Variants in EDNRB observed in about 807,000 individuals in gnomAD.
EDNRB encodes the protein endothelin receptor type B.
In EDNRB, 18 loss-of-function variants were observed where a neutral mutation model predicts 46.4. The observed-to-expected ratio is 0.39, with a 90% CI of 0.27 to 0.57. EDNRB has a LOEUF of 0.57. Among genes scored for constraint, EDNRB ranks in the 20% least tolerant of loss-of-function variants. EDNRB has a pLI of 0.61. For synonymous variants in EDNRB, 213 were observed against 204.9 expected, an observed-to-expected ratio of 1.04 and a Z score of -0.34; for missense variants, 434 against 537.5, an observed-to-expected ratio of 0.81 and a Z score of 1.90.
chr13:77,913,326 C>T (rs1036571368), intron 1 of EDNRB, among the ~76,000 whole-genome samples: 2 of 152,086 alleles, frequency 1.3e-5, no homozygotes, highest in Non-Finnish European at 2.9e-5. Context: ...ACTATGAATG[C>T]AGCCTCTTTG....
chr13:77,920,468 C>T (rs1247436756), upstream of EDNRB, among the ~76,000 whole-genome samples: 2 of 152,198 alleles, frequency 1.3e-5, no homozygotes, highest in African/African-American at 2.4e-5. Context: ...GCACCCATTC[C>T]ATGTAGCAGT....
intron 1 of EDNRB, among the ~76,000 whole-genome samples, chr13:77,937,193 CT>C (rs1469918079): frequency 2.0e-5 from 3 of 152,148 alleles, no homozygotes; most frequent in Admixed American, 1.3e-4. Context: ...TTTCTTTAAG[CT>C]TGTCAGAATT....
At chr13:77,968,324 A>G (rs1881636872) in intron 1 of EDNRB, among the ~76,000 whole-genome samples, 1 of 152,190 alleles carries the variant, frequency 6.6e-6, no homozygotes, top group Admixed American at 6.6e-5. Context: ...GTAAATAATA[A>G]CAACAGTTCA....
chr13:77,928,441 T>A (rs1880299582), intron 1 of EDNRB, among the ~76,000 whole-genome samples: 1 of 152,198 alleles, frequency 6.6e-6, no homozygotes, highest in African/African-American at 2.4e-5. Flanking sequence ...TTGTACATAT[T>A]TTTTCATGAT....
At chr13:77,938,234 G>T (rs1259673771) in intron 1 of EDNRB, among the ~76,000 whole-genome samples, 1 of 152,030 alleles carries the variant, frequency 6.6e-6, no homozygotes, top group African/African-American at 2.4e-5. Flanking sequence ...AGGGTCCGGG[G>T]GTTCTTACCC....
intron 1 of EDNRB, among the ~76,000 whole-genome samples, chr13:77,932,048 TA>T (rs5804946): frequency 0.54 from 77,941 of 143,908 alleles, 21,290 homozygotes; most frequent in Non-Finnish European, 0.62. Flanking sequence ...GGTGAATTAT[TA>T]AAAAAAAAAA....
chr13:77,960,340 C>T lies in EDNRB; in HGVS notation c.-52+15007G>A, dbSNP rs568109254. ...CCCATCAGACTAACAGCAGATGTCTCGGCAGAAACTCTATAAGCCAGAAGA... is the reference window on the plus strand; with the variant it reads ...CCCATCAGACTAACAGCAGATGTCTTGGCAGAAACTCTATAAGCCAGAAGA... On this transcript the variant is annotated intron_variant, in intron 1 of 7. Coordinates refer to the EDNRB transcript ENST00000646948. 9.2e-5 allele frequency among the ~76,000 whole-genome samples: 14 copies of T among 152,248 alleles called. No individual in the cohort carries two copies. The East Asian group carries it at 2.1e-3, about 23-fold the overall frequency.
intron 1 of EDNRB, among the ~76,000 whole-genome samples, chr13:77,960,206 G>A (rs1006177358): frequency 8.5e-5 from 13 of 152,066 alleles, no homozygotes; most frequent in South Asian, 4.1e-4. Flanking sequence ...GATACTCCTC[G>A]AGAAGAGCAA....
chr13:77,963,860 C>T (rs1196581239), intron 1 of EDNRB, among the ~76,000 whole-genome samples: 2 of 152,108 alleles, frequency 1.3e-5, no homozygotes, highest in African/African-American at 4.8e-5. Context: ...AAAATTTTTG[C>T]AACCTACTCA....
intron 1 of EDNRB, among the ~76,000 whole-genome samples, chr13:77,961,494 C>T (rs1881410311): frequency 6.6e-6 from 1 of 152,186 alleles, no homozygotes; most frequent in Non-Finnish European, 1.5e-5. Flanking sequence ...AACCACTCAA[C>T]TACATGGAAA....
chr13:77,960,335 T>C (rs1309100477), intron 1 of EDNRB, among the ~76,000 whole-genome samples: 3 of 152,186 alleles, frequency 2.0e-5, no homozygotes, highest in Non-Finnish European at 4.4e-5. Context: ...TAACAGCAGA[T>C]GTCTCGGCAG....
intron 1 of EDNRB, among the ~76,000 whole-genome samples, chr13:77,930,130 A>G (rs1393798677): frequency 1.3e-5 from 2 of 152,172 alleles, no homozygotes; most frequent in Non-Finnish European, 2.9e-5. Flanking sequence ...ATGATCAACT[A>G]TACGAGGAGC....
intron 1 of EDNRB, among the ~76,000 whole-genome samples, chr13:77,959,644 C>A (rs1332414427): frequency 6.6e-6 from 1 of 152,208 alleles, no homozygotes. Context: ...CTCTCACCCT[C>A]TAAAGGAACT....
intron 1 of EDNRB, among the ~76,000 whole-genome samples, chr13:77,934,682 G>C (rs139698040): frequency 0.033 from 4,767 of 142,872 alleles, 118 homozygotes; most frequent in Non-Finnish European, 0.043. Context: ...GTAGGAAAGG[G>C]GGGGGGGGGC....
At position 77,903,762 on chromosome 13, in the gene EDNRB, T is replaced by C. The variant is rs3027108; in HGVS notation, c.484-155A>G. ...TACTTCTTTGAAAAGCACCATTGTT[T>C]GATATATGTATGGGACAGGAAAGTG... On this transcript the variant is annotated intron_variant, in intron 1 of 6. Coordinates refer to ENST00000646607, the MANE Select transcript of EDNRB (RefSeq NM_001122659.3). Among the ~76,000 whole-genome samples the C allele has an allele frequency of 0.98, 149,258 of 152,018 alleles. 73,346 individuals carry two copies. The highest frequency in any genetic ancestry group is 1 in the South Asian group (4,816 of 4,816).
At position 77,898,423 on chromosome 13, in the gene EDNRB, T is replaced by C. The variant is rs572846575; in HGVS notation, c.1195-89A>G. On this transcript the variant is annotated intron_variant, in intron 6 of 6. Transcript: ENST00000646607. ...CTCCAGGGTTCTGACTTTCTTTGTA[T>C]GATTAGGAGTTCTTGGGCCCTTTCT... 1.7e-4 allele frequency: 265 copies of C among 1,578,150 alleles called. 1 individual carries two copies. Among genetic ancestry groups the C allele is most frequent in the South Asian group, 1.3e-3 (114 of 87,560 alleles).
intron 1 of EDNRB, among the ~76,000 whole-genome samples, chr13:77,938,928 G>A (rs1034486325): frequency 1.3e-5 from 2 of 152,206 alleles, no homozygotes; most frequent in African/African-American, 4.8e-5. Context: ...CAGGAGGACA[G>A]GGGATTGATC....
upstream of EDNRB, among the ~76,000 whole-genome samples, chr13:77,921,724 A>T (rs1880091492): frequency 6.6e-6 from 1 of 152,236 alleles, no homozygotes; most frequent in Non-Finnish European, 1.5e-5. Context: ...GTGAAATGTA[A>T]AGAATTGTTC....
At chr13:77,973,221 A>C (rs1881788341) in intron 1 of EDNRB, among the ~76,000 whole-genome samples, 1 of 152,192 alleles carries the variant, frequency 6.6e-6, no homozygotes, top group South Asian at 2.1e-4. Flanking sequence ...TTTTAAATCA[A>C]AGAAAGCCAA....
Sources: allele counts gnomAD v4.1 joint callset (sites outside exome capture counted in the v4.1 genomes callset), GRCh38; gene constraint gnomAD v4.1.1; transcripts MANE v1.5; gene names NCBI Gene and HGNC (gene_info 2026-07-23, HGNC 2026-07-21).